Variants in TCF24 observed in about 807,000 individuals in gnomAD.
TCF24 encodes the protein transcription factor 24.
In TCF24, 5 loss-of-function variants were observed where a neutral mutation model predicts 9.3. The ratio of observed to expected loss-of-function variants is 0.54; its 90% CI spans 0.28 to 1.13. TCF24 has a LOEUF of 1.13. Ranked by LOEUF, TCF24 falls within the 50% of genes most tolerant of loss-of-function variation. TCF24 has a pLI of 0.09. For missense variants in TCF24, 220 were observed against 236.1 expected (o/e 0.93, Z 0.45); for synonymous variants, 110 against 115.8 (o/e 0.95, Z 0.32).
intron 3 of TCF24, among the ~76,000 whole-genome samples, chr8:66,954,448 C>T (rs555702205): frequency 2.0e-4 from 31 of 151,832 alleles, no homozygotes; most frequent in Non-Finnish European, 1.2e-4. Flanking sequence ...GCAGTCTGCC[C>T]GTTCTCAGAT....
chr8:66,949,432 A>C (rs946812942), intron 3 of TCF24, among the ~76,000 whole-genome samples: 1 of 152,068 alleles, frequency 6.6e-6, no homozygotes, highest in Non-Finnish European at 1.5e-5. Context: ...AAGGACATGA[A>C]CTCATCATTT....
At position 66,950,744 on chromosome 8, in the gene TCF24, G is replaced by C. The variant is rs1448263696; in HGVS notation, c.391-2580C>G. Among the ~76,000 whole-genome samples the C allele has an allele frequency of 2.7e-3, 414 of 152,032 alleles. 2 individuals carry two copies. The highest frequency in any genetic ancestry group is 4.3e-3 in the Non-Finnish European group (292 of 67,958). ...ATGAGCATGGAATGTTCTTCCATTT[G>C]TTTGTATCCTCTTTTATTTCATTGA... On this transcript the variant is annotated intron_variant, in intron 3 of 3. Transcript: ENST00000563496.
Position 66,961,600 on chromosome 8 carries a change from C to A in TCF24, c.166G>T (p.Ala56Ser). 1 of 1,310,508 alleles carries A rather than the reference C, an allele frequency of 7.6e-7. No homozygotes were observed. The highest frequency in any genetic ancestry group is 9.7e-7 in the Non-Finnish European group (1 of 1,031,656). 81.2% of individuals were successfully genotyped at this position (1,310,508 alleles called of 1,614,324 possible). ...GSGRPAAANA[A>S]RERSRVQTLR... The stretch of plus-strand genomic sequence containing the variant: ...GTCTGCACCCGGCTGCGCTCCCGCG[C>A]CGCATTCGCCGCCGCCGGCCGCCCG... Residue 56 changes from alanine to serine, a missense_variant, in exon 3 of 4, where the codon GCG becomes TCG. Ala to Ser is a moderately conservative substitution (Grantham distance 99). Transcript: ENST00000563496.
At position 66,961,674 on chromosome 8, in the gene TCF24, C is replaced by T; in HGVS notation, c.92G>A (p.Arg31Gln). 1 of 1,108,680 alleles carries T rather than the reference C, an allele frequency of 9.0e-7. No individual in the cohort carries two copies. Among genetic ancestry groups the T allele is most frequent in the African/African-American group, 1.7e-5 (1 of 60,154 alleles). The allele number at this position is 1,108,680 out of a possible 1,614,324, so 68.7% of individuals were successfully genotyped here. ...AGGGCCCGCCGGCCCCGGCCCGGTC[C>T]GCCCGGGACGCGAGTCGCGGATGGC... is the stretch of plus-strand genomic sequence containing the variant. Reference protein sequence around the residue: ...AAAIRDSRPGRTGPGPAGPGG... With the variant: ...AAAIRDSRPGQTGPGPAGPGG... Residue 31 changes from arginine (R) to glutamine (Q), a missense_variant, in exon 3 of 4, where the codon CGG (arginine) becomes CAG (glutamine). Physicochemically the swap from Arg to Gln is conservative, Grantham distance 43. Transcript: ENST00000563496.
intron 3 of TCF24, 103 bp from the exon 4 acceptor site, chr8:66,948,267 A>G (rs1813994209): frequency 1.5e-6 from 1 of 666,846 alleles, no homozygotes. Context: ...TGCAAATGCA[A>G]TATTATGTAG....
At chr8:66,956,021 C>T (rs1482186108) in intron 3 of TCF24, among the ~76,000 whole-genome samples, 1 of 152,084 alleles carries the variant, frequency 6.6e-6, no homozygotes, top group Non-Finnish European at 1.5e-5. Flanking sequence ...CAGCTTAAAC[C>T]TGCTGGGTTC....
Position 66,961,531 on chromosome 8 carries a change from C to A in TCF24, c.235G>T (p.Val79Leu), listed in dbSNP as rs538845993. The A allele has an allele frequency of 2.1e-5, 32 of 1,510,446 alleles. No homozygotes were observed. In the South Asian group the frequency reaches 3.4e-4, roughly 16 times the overall value. The allele number at this position is 1,510,446 out of a possible 1,614,324, so 93.6% of individuals were successfully genotyped here. ...TTGGACAGCTTGGTGTCGGGCGGCACGGACGGCAGCGTGCGCTGCAGCTCC... is the reference window on the plus strand; with the variant it reads ...TTGGACAGCTTGGTGTCGGGCGGCAAGGACGGCAGCGTGCGCTGCAGCTCC... ...FLELQRTLPSVPPDTKLSKLD... is the reference protein window; with the variant it reads ...FLELQRTLPSLPPDTKLSKLD... The change falls in exon 3 of 4, where the codon GTG becomes TTG. Residue 79 changes from valine (V) to leucine (L), a missense_variant. Coordinates refer to ENST00000563496, the MANE Select transcript of TCF24 (RefSeq NM_001193502.2).
In TCF24 at chr8:66,948,160, C is replaced by T. The variant is rs1409331486; in HGVS notation, c.395G>A (p.Trp132Ter). ...GATGTACAATCTTGATCGCATGGGC[C>T]ATTTCTGAAAAAGATTATTTCAACA... Reference protein sequence around the residue: ...GDGYLHPVKKWPMRSRLYIGA... With the variant: ...GDGYLHPVKK The change falls in exon 4 of 4, where the codon TGG becomes TAG. Residue 132 changes from tryptophan to a stop codon, truncating the protein, a stop_gained. Coordinates refer to ENST00000563496, the MANE Select transcript of TCF24 (RefSeq NM_001193502.2). LOFTEE classifies it high-confidence loss of function. 1.3e-6 allele frequency: 2 copies of T among 1,527,012 alleles called. No individual in the cohort carries two copies. Among genetic ancestry groups the T allele is most frequent in the Admixed American group, 2.1e-5 (1 of 48,482 alleles). The allele number at this position is 1,527,012 out of a possible 1,614,324, so 94.6% of individuals were successfully genotyped here. A position where few individuals can be genotyped will look rare whatever the true frequency, so the allele number is the denominator to read the frequency against.
At chr8:66,948,975 C>T (rs1046558866) in intron 3 of TCF24, among the ~76,000 whole-genome samples, 7 of 152,024 alleles carry the variant, frequency 4.6e-5, no homozygotes, top group Admixed American at 1.3e-4. Flanking sequence ...GGATTACAGG[C>T]GTGAGCTAAA....
chr8:66,957,441 A>G (rs1214262347), intron 3 of TCF24, among the ~76,000 whole-genome samples: 4 of 151,186 alleles, frequency 2.6e-5, no homozygotes, highest in Non-Finnish European at 5.9e-5. Flanking sequence ...AAAAAAGAGG[A>G]ATCTCTCTCT....
chr8:66,961,774 C>CCATGGA lies in TCF24; in HGVS notation c.-10_-9insTCCATG. 1 of 1,111,660 alleles carries CCATGGA rather than the reference C, an allele frequency of 9.0e-7. No individual in the cohort carries two copies. The allele number at this position is 1,111,660 out of a possible 1,614,324, so 68.9% of individuals were successfully genotyped here. A position where few individuals can be genotyped will look rare whatever the true frequency, so the allele number is the denominator to read the frequency against. ...GGGCGGCCGCGGTCCATGGCAGCTT[C>CCATGGA]CCGCGCCGCGCGCGCTGCAAAGGAC... is the stretch of plus-strand genomic sequence containing the variant. On this transcript the variant is annotated 5_prime_UTR_variant, in exon 3 of 4. In the 5' UTR this introduces an upstream ATG that the reference lacks. Coordinates refer to ENST00000563496, the MANE Select transcript of TCF24 (RefSeq NM_001193502.2).
intron 3 of TCF24, among the ~76,000 whole-genome samples, chr8:66,959,579 T>G (rs905782512): frequency 1.3e-5 from 2 of 152,208 alleles, no homozygotes; most frequent in African/African-American, 4.8e-5. Context: ...TCCAACACTG[T>G]TATTTGTTTC....
intron 3 of TCF24, among the ~76,000 whole-genome samples, chr8:66,953,591 G>A (rs1372822081): frequency 1.0e-4 from 15 of 148,080 alleles, no homozygotes; most frequent in East Asian, 2.0e-4. Flanking sequence ...TGCTCTTCTC[G>A]AGGAGTATCT....
chr8:66,957,806 C>A (rs1270803566), intron 3 of TCF24, among the ~76,000 whole-genome samples: 1 of 144,438 alleles, frequency 6.9e-6, no homozygotes, highest in African/African-American at 2.6e-5. Flanking sequence ...ACTAAATACA[C>A]TTGAAAGCAA....
chr8:66,949,004 C>T (rs980638347), intron 3 of TCF24, among the ~76,000 whole-genome samples: 41 of 152,028 alleles, frequency 2.7e-4, no homozygotes, highest in African/African-American at 9.2e-4. Flanking sequence ...AGCTAAAAAA[C>T]GATATCTAGA....
In TCF24 at chr8:66,950,804, C is replaced by A. The variant is rs1409317982; in HGVS notation, c.391-2640G>T. 3.3e-5 allele frequency among the ~76,000 whole-genome samples: 5 copies of A among 150,046 alleles called. No individual in the cohort carries two copies. The East Asian group carries it at 9.8e-4, about 29-fold the overall frequency. On this transcript the variant is annotated intron_variant, in intron 3 of 3. Coordinates refer to ENST00000563496, the MANE Select transcript of TCF24 (RefSeq NM_001193502.2). ...TGTAGTTCTCCTTGAAGAGGTCCTT[C>A]ACATCCCTTGTAAGTTGGATTCCTA...
At chr8:66,953,440 T>A (rs1298445461) in intron 3 of TCF24, among the ~76,000 whole-genome samples, 1 of 152,214 alleles carries the variant, frequency 6.6e-6, no homozygotes, top group Non-Finnish European at 1.5e-5. Flanking sequence ...CTCTTCTGGC[T>A]TGTAAGGTTT....
intron 3 of TCF24, among the ~76,000 whole-genome samples, chr8:66,960,787 A>T (rs2130902825): frequency 6.6e-6 from 1 of 152,330 alleles, no homozygotes; most frequent in Non-Finnish European, 1.5e-5. Context: ...AGTTTTTTCT[A>T]ACACTTTTGG....
rs1814177587 is a variant in TCF24, at chr8:66,957,448, C to T, written c.390+3928G>A. 1.3e-5 allele frequency among the ~76,000 whole-genome samples: 2 copies of T among 150,222 alleles called. 1 individual carries two copies. The highest frequency in any genetic ancestry group is 4.2e-4 in the South Asian group (2 of 4,758). ...AAAAAAAAAAAAAAGAGGAATCTCT[C>T]TCTCTCTGTGTACATGTAGAGGCCA... On this transcript the variant is annotated intron_variant, in intron 3 of 3. Coordinates refer to ENST00000563496, the MANE Select transcript of TCF24 (RefSeq NM_001193502.2).
Sources: gnomAD v4.1 joint callset for allele counts (sites outside exome capture counted in the v4.1 genomes callset) on GRCh38, gnomAD v4.1.1 for gene constraint, MANE v1.5 for transcripts, NCBI Gene and HGNC (gene_info 2026-07-23, HGNC 2026-07-21) for gene names.